SPATA13: variants seen among roughly 807,000 people sequenced by gnomAD.
The protein encoded by SPATA13 is spermatogenesis-associated protein 13.
In SPATA13, 50 loss-of-function variants were observed where a neutral mutation model predicts 104.0. The observed-to-expected ratio is 0.48, with a 90% CI of 0.38 to 0.61. The LOEUF (loss-of-function observed/expected upper bound fraction) is 0.61. Among genes scored for constraint, SPATA13 ranks in the 20% least tolerant of loss-of-function variants. The pLI, the probability that SPATA13 is intolerant of heterozygous loss-of-function variation, is 0.00. For synonymous variants in SPATA13, 606 were observed against 667.5 expected, an observed-to-expected ratio of 0.91 and a Z score of 1.42; for missense variants, 1,524 against 1,690.6, an observed-to-expected ratio of 0.90 and a Z score of 1.73.
chr13:24,254,201 G>A, intron 4 of SPATA13: 1 of 152,246 alleles, frequency 6.6e-6, no homozygotes, highest in Non-Finnish European at 1.5e-5. Context: ...CTGTGGCCAG[G>A]ACTGTGAACT....
In SPATA13 at chr13:24,218,733, T is replaced by A. The variant is rs80181697; in HGVS notation, c.-111-4086T>A. On this transcript the variant is annotated intron_variant, in intron 1 of 12. Transcript: ENST00000382108. ...GTTTTTTTTTTTGCGATTTTTTTTT[T>A]AATCTCATCAGCAGTTGTGTTAGTG... 0.017 allele frequency among the ~76,000 whole-genome samples: 2,508 copies of A among 151,444 alleles called. 128 individuals are homozygous for A. The East Asian group carries it at 0.18, about 11-fold the overall frequency.
At position 24,240,259 on chromosome 13, in the gene SPATA13, TA is replaced by T. The variant is rs78352354; in HGVS notation, c.1654-9204del. On this transcript the variant is annotated intron_variant, in intron 2 of 12. Coordinates refer to ENST00000382108, the MANE Select transcript of SPATA13 (RefSeq NM_001166271.3). ...TGATGACAGAGTGAGAACCTGTCTTTAAAAAAAAAAAAAATTACAACCTACC... is the reference window on the plus strand; with the variant it reads ...TGATGACAGAGTGAGAACCTGTCTTTAAAAAAAAAAAAATTACAACCTACC... Among the ~76,000 whole-genome samples the T allele has an allele frequency of 2.9e-3, 419 of 145,780 alleles. 1 individual carries two copies. The highest frequency in any genetic ancestry group is 4.5e-3 in the Admixed American group (65 of 14,564).
rs1015728648 is a variant in SPATA13 at position 24,161,747 on chromosome 13, A to G, written c.-112+815A>G. ...CCCTGTGGGTCATTTGCTTCCCAGC[A>G]TTGCATAGGGATGTGGATAAATAGA... On this transcript the variant is annotated intron_variant, in intron 1 of 12. Transcript: ENST00000382108. This position sits in a 1 kb window ranked among gnomAD's most constrained non-coding sequence, Gnocchi z 4.5. 1.3e-5 allele frequency among the ~76,000 whole-genome samples: 2 copies of G among 152,206 alleles called. No individual in the cohort carries two copies. The highest frequency in any genetic ancestry group is 2.4e-5 in the African/African-American group (1 of 41,462).
At chr13:24,092,300 A>G (rs1429677151) in intron 3 of SPATA13, among the ~76,000 whole-genome samples, 1 of 152,204 alleles carries the variant, frequency 6.6e-6, no homozygotes, top group Admixed American at 6.5e-5. Context: ...TAAGGAAGAC[A>G]ATTTTAGGAA....
intron 10 of SPATA13, among the ~76,000 whole-genome samples, chr13:24,296,934 G>A (rs1199653032): frequency 2.0e-5 from 3 of 152,198 alleles, no homozygotes; most frequent in African/African-American, 7.2e-5. Flanking sequence ...CAGGTACCTA[G>A]AAAGTCTGAG....
At chr13:24,224,801 T>TC (rs766706723) in intron 2 of SPATA13, 45 of 635,328 alleles carry the variant, frequency 7.1e-5, no homozygotes, top group Non-Finnish European at 1.1e-4. Context: ...TGTACGAGAT[T>TC]CATTGAGATG....
chr13:24,237,478 A>C (rs1174519491), intron 2 of SPATA13, among the ~76,000 whole-genome samples: 3 of 152,234 alleles, frequency 2.0e-5, no homozygotes, highest in Admixed American at 6.5e-5. Context: ...CACTCACATG[A>C]GATCCGTAGA....
chr13:24,047,281 CTCTGGCCACA>C (rs1399963564), intron 3 of SPATA13, among the ~76,000 whole-genome samples: 2 of 152,182 alleles, frequency 1.3e-5, no homozygotes, highest in Non-Finnish European at 2.9e-5. Context: ...ATCCTGTGAC[CTCTGGCCACA>C]TCTCCTAAGA....
At chr13:24,174,493 C>T (rs1035378076) in intron 1 of SPATA13, among the ~76,000 whole-genome samples, 1 of 151,910 alleles carries the variant, frequency 6.6e-6, no homozygotes, top group Admixed American at 6.6e-5. Context: ...GCACTGCTTT[C>T]GCTATATTCC....
At chr13:24,050,344 G>A (rs544372592) in intron 3 of SPATA13, among the ~76,000 whole-genome samples, 29 of 152,298 alleles carry the variant, frequency 1.9e-4, no homozygotes, top group Non-Finnish European at 3.1e-4. Context: ...TAATGCTGAC[G>A]AGTCAGTTTC....
intron 2 of SPATA13, among the ~76,000 whole-genome samples, chr13:23,995,571 T>C (rs1875641724): frequency 6.6e-6 from 1 of 152,208 alleles, no homozygotes; most frequent in South Asian, 2.1e-4. Flanking sequence ...AGGTTTTCCC[T>C]TTGAGATAAA....
intron 3 of SPATA13, among the ~76,000 whole-genome samples, chr13:24,065,127 C>G (rs1020010121): frequency 3.3e-5 from 5 of 152,088 alleles, no homozygotes; most frequent in African/African-American, 4.8e-5. Flanking sequence ...TAGCAAAACT[C>G]TAAGATGTTT....
chr13:24,038,956 G>T (rs1046272407), intron 3 of SPATA13, among the ~76,000 whole-genome samples: 16 of 152,210 alleles, frequency 1.1e-4, no homozygotes, highest in Non-Finnish European at 1.3e-4. Flanking sequence ...GGCCAGACAG[G>T]CAGCCCTGTG....
chr13:24,094,750 A>G (rs1880017365), intron 3 of SPATA13, among the ~76,000 whole-genome samples: 1 of 152,270 alleles, frequency 6.6e-6, no homozygotes, highest in Admixed American at 6.5e-5. Context: ...CAGCCTGGGC[A>G]ATATAGCAAG....
intron 3 of SPATA13, among the ~76,000 whole-genome samples, chr13:24,107,508 G>A (rs974729930): frequency 6.6e-5 from 10 of 152,146 alleles, no homozygotes; most frequent in Non-Finnish European, 4.4e-5. Flanking sequence ...CAGAAGATAT[G>A]AAAAGCAAAT....
rs780726282 is a variant in SPATA13 at position 24,251,759 on chromosome 13, C to A, written c.2061C>A (p.Pro687=). 1 of 1,614,216 alleles carries A rather than the reference C, an allele frequency of 6.2e-7. No homozygotes were observed. Among genetic ancestry groups the A allele is most frequent in the Admixed American group, 1.7e-5 (1 of 60,028 alleles). The change falls in exon 4 of 13, where the codon CCC becomes CCA. Residue 687 remains proline (P), a synonymous_variant. Coordinates refer to ENST00000382108, the MANE Select transcript of SPATA13 (RefSeq NM_001166271.3). ...CCATGCCTGCTCACCAGGTGCCACC[C>A]TACAAGGCTGTGTCGGCCCGGTTCC... ...RPPMPAHQVP[P]YKAVSARFRP...
Position 24,088,328 on chromosome 13 carries a change from C to T in SPATA13, c.-112+70627C>T, listed in dbSNP as rs1217396601. Among the ~76,000 whole-genome samples, 1 of 152,192 alleles carries T rather than the reference C, an allele frequency of 6.6e-6. No individual in the cohort carries two copies. Among genetic ancestry groups the T allele is most frequent in the Admixed American group, 6.5e-5 (1 of 15,286 alleles). On this transcript the variant is annotated intron_variant, in intron 3 of 14. Transcript: ENST00000424834. The surrounding 1 kb of genome is among the most constrained non-coding windows in gnomAD (Gnocchi z 4.3). Reference sequence around the variant, plus strand: ...GCCCGCAGTCACATGACTATTAAAGCATCTGAATTGGGATTAGAACATAAA... The same window carrying T: ...GCCCGCAGTCACATGACTATTAAAGTATCTGAATTGGGATTAGAACATAAA...
chr13:24,218,346 G>T (rs1281544769), intron 1 of SPATA13, among the ~76,000 whole-genome samples: 1 of 152,020 alleles, frequency 6.6e-6, no homozygotes, highest in East Asian at 1.9e-4. Context: ...AGAGGGTCTA[G>T]CATGACCCCC....
chr13:24,033,945 T>C (rs1476840764), intron 3 of SPATA13: 1 of 152,244 alleles, frequency 6.6e-6, no homozygotes, highest in Non-Finnish European at 1.5e-5. Flanking sequence ...ATGGTGTTTT[T>C]CTGTAGCAAG....
Sources: gnomAD v4.1 joint callset for allele counts (sites outside exome capture counted in the v4.1 genomes callset) on GRCh38, gnomAD v4.1.1 for gene constraint, Gnocchi (gnomAD v3.1) non-coding constraint, MANE v1.5 for transcripts, NCBI Gene and HGNC (gene_info 2026-07-23, HGNC 2026-07-21) for gene names.